BICRA: variants seen among roughly 807,000 people sequenced by gnomAD.
The protein encoded by BICRA is BRD4-interacting chromatin-remodeling complex-associated protein.
A neutral mutation model predicts 96.9 loss-of-function variants in BICRA; 31 were observed. The observed-to-expected ratio is 0.32, with a 90% CI of 0.24 to 0.43. BICRA has a LOEUF of 0.43. Among genes scored for constraint, BICRA ranks in the 20% least tolerant of loss-of-function variants. The pLI, the probability that BICRA is intolerant of heterozygous loss-of-function variation, is 1.00. For missense variants in BICRA, 2,283 were observed against 2,190.3 expected, an observed-to-expected ratio of 1.04 and a Z score of -0.84; for synonymous variants, 1,350 against 1,071.8, an observed-to-expected ratio of 1.26 and a Z score of -5.07.
At chr19:47,632,293 A>G (rs777628981) in intron 1 of BICRA, among the ~76,000 whole-genome samples, 1 of 152,238 alleles carries the variant, frequency 6.6e-6, no homozygotes, top group Non-Finnish European at 1.5e-5. Context: ...CTGCTGGCAA[A>G]CAGCAGCCGG....
intron 1 of BICRA, among the ~76,000 whole-genome samples, chr19:47,656,069 G>GATACAC (rs373215237): frequency 2.3e-5 from 3 of 132,156 alleles, no homozygotes; most frequent in Non-Finnish European, 4.7e-5. Context: ...ATCCTGTCTC[G>GATACAC]ACACACACAC....
intron 1 of BICRA, among the ~76,000 whole-genome samples, chr19:47,661,470 C>T (rs1410399234): frequency 2.0e-5 from 3 of 150,132 alleles, no homozygotes; most frequent in Non-Finnish European, 4.4e-5. Flanking sequence ...CAGAGGGAGC[C>T]GGGCCGGGGA....
At chr19:47,611,991 G>T (rs375105030) in intron 1 of BICRA, among the ~76,000 whole-genome samples, 1 of 151,582 alleles carries the variant, frequency 6.6e-6, no homozygotes, top group African/African-American at 2.4e-5. Flanking sequence ...CTGCCTCAGC[G>T]TCCCGAGTAG....
At chr19:47,641,727 G>A (rs1218107337) in intron 1 of BICRA, among the ~76,000 whole-genome samples, 1 of 152,056 alleles carries the variant, frequency 6.6e-6, no homozygotes, top group Non-Finnish European at 1.5e-5. Context: ...TTCTATTCCT[G>A]TGAACAATGC....
At chr19:47,625,511 G>T (rs1308877652) in intron 1 of BICRA, among the ~76,000 whole-genome samples, 3 of 152,100 alleles carry the variant, frequency 2.0e-5, no homozygotes, top group African/African-American at 7.2e-5. Flanking sequence ...GACATCCTCA[G>T]GGTCTGACAA....
Position 47,680,778 on chromosome 19 carries a change from C to A in BICRA, c.1608C>A (p.Ala536=), listed in dbSNP as rs1440144473. 1 of 1,610,254 alleles carries A rather than the reference C, an allele frequency of 6.2e-7. No homozygotes were observed. The highest frequency in any genetic ancestry group is 8.5e-7 in the Non-Finnish European group (1 of 1,178,986). ...LGPVLAPHSG[A]HSAHILSAAP... The stretch of plus-strand genomic sequence containing the variant: ...CCGTGTTGGCCCCCCACTCCGGGGC[C>A]CACAGCGCGCACATCCTCTCCGCCG... The change falls in exon 6 of 15, where the codon GCC becomes GCA. Residue 536 remains alanine (A), a synonymous_variant. Transcript: ENST00000594866.
At chr19:47,697,839 G>T (rs538768363) in intron 11 of BICRA, among the ~76,000 whole-genome samples, 1 of 152,018 alleles carries the variant, frequency 6.6e-6, no homozygotes, top group African/African-American at 2.4e-5. Context: ...TGAGTAGCTG[G>T]GACTACAGGC....
chr19:47,680,685 A>T lies in BICRA; in HGVS notation c.1515A>T (p.Thr505=). 3 of 1,603,472 alleles carry T rather than the reference A, an allele frequency of 1.9e-6. No individual in the cohort carries two copies. Among genetic ancestry groups the T allele is most frequent in the Middle Eastern group, 1.7e-4 (1 of 6,020 alleles). The change falls in exon 6 of 15, where the codon ACA becomes ACT. Residue 505 remains threonine, a synonymous_variant. Coordinates refer to ENST00000594866, the MANE Select transcript of BICRA (RefSeq NM_001394372.1). ...TCCTGGCGGCCGCTGCCCCCCACAC[A>T]GGTGGACAGCTCATCGCGAACCCCA... ...GQILAAAAPH[T]GGQLIANPIL... is the part of the protein sequence containing the mutation.
chr19:47,619,777 C>T (rs893322689), intron 1 of BICRA, among the ~76,000 whole-genome samples: 1 of 152,170 alleles, frequency 6.6e-6, no homozygotes, highest in Non-Finnish European at 1.5e-5. Flanking sequence ...TGGCCCCTGC[C>T]TGGATCTAAT....
intron 4 of BICRA, 87 bp downstream of exon 4, chr19:47,673,849 TGAG>T (rs1212059582): frequency 4.3e-6 from 5 of 1,162,896 alleles, no homozygotes; most frequent in Non-Finnish European, 5.2e-6. Context: ...GTCCCTTTGA[TGAG>T]GTAGCCATCT....
intron 7 of BICRA, among the ~76,000 whole-genome samples, chr19:47,688,213 C>T (rs753938861): frequency 6.6e-6 from 1 of 151,652 alleles, no homozygotes; most frequent in Non-Finnish European, 1.5e-5. Context: ...TCACCTGAGC[C>T]CAGGAGTTTG....
intron 1 of BICRA, among the ~76,000 whole-genome samples, chr19:47,666,227 C>G (rs1972776830): frequency 6.6e-6 from 1 of 152,180 alleles, no homozygotes; most frequent in African/African-American, 2.4e-5. Flanking sequence ...CACTTGATTC[C>G]TGCTGTGAGC....
intron 1 of BICRA, among the ~76,000 whole-genome samples, chr19:47,654,430 C>A (rs1025311811): frequency 5.3e-5 from 8 of 151,748 alleles, no homozygotes; most frequent in African/African-American, 1.9e-4. Context: ...AAAAAAAAAT[C>A]AACCTGTTTA....
intron 1 of BICRA, chr19:47,615,825 C>T (rs1207354464): frequency 2.0e-5 from 3 of 152,170 alleles, no homozygotes; most frequent in African/African-American, 7.2e-5. Flanking sequence ...GTTTCCTTGT[C>T]TATAAAATGG....
intron 1 of BICRA, among the ~76,000 whole-genome samples, chr19:47,659,685 T>TACACACACACACAC (rs10567798): frequency 4.5e-5 from 6 of 132,414 alleles, no homozygotes; most frequent in Non-Finnish European, 8.1e-5. Flanking sequence ...TGGTGGTGCA[T>TACACACACACACAC]ACACACACAC....
At chr19:47,635,159 C>A (rs1180529146) in intron 1 of BICRA, among the ~76,000 whole-genome samples, 1 of 151,952 alleles carries the variant, frequency 6.6e-6, no homozygotes, top group Non-Finnish European at 1.5e-5. Flanking sequence ...ATATACATAA[C>A]ATAAAATTGA....
chr19:47,683,399 G>A (rs1359449480), intron 7 of BICRA, among the ~76,000 whole-genome samples: 2 of 152,106 alleles, frequency 1.3e-5, no homozygotes, highest in African/African-American at 4.8e-5. Context: ...TTTCATAAAA[G>A]TAAGAGCCAT....
rs10402373 is a variant in BICRA at position 47,671,977 on chromosome 19, G to C, written c.-6+1433G>C. Among the ~76,000 whole-genome samples, 472 of 131,816 alleles carry C rather than the reference G, an allele frequency of 3.6e-3. 11 individuals are homozygous for C. The highest frequency in any genetic ancestry group is 0.013 in the African/African-American group (458 of 34,688). The allele number at this position is 131,816 out of a possible 152,430, so 86.5% of individuals were successfully genotyped here. ...GATGGATGGAAGGATGGAGGGGTGG[G>C]TGGGTAGATGGGTAGAAAGATGGAG... On this transcript the variant is annotated intron_variant, in intron 2 of 14. Transcript: ENST00000594866.
At chr19:47,626,646 G>A (rs1972144372) in intron 1 of BICRA, among the ~76,000 whole-genome samples, 1 of 147,618 alleles carries the variant, frequency 6.8e-6, no homozygotes, top group Non-Finnish European at 1.5e-5. Flanking sequence ...GGGCTCAGGT[G>A]ATCTGCCTGC....
Sources: gnomAD v4.1 joint callset for allele counts (sites outside exome capture counted in the v4.1 genomes callset) on GRCh38, gnomAD v4.1.1 for gene constraint, MANE v1.5 for transcripts, NCBI Gene and HGNC (gene_info 2026-07-23, HGNC 2026-07-21) for gene names.